The following DNAJB13 variants were observed in gnomAD, a reference collection of about 807,000 sequenced individuals.
DNAJB13 encodes the protein dnaJ homolog subfamily B member 13.
Under a neutral mutation model 35.6 loss-of-function variants are expected in DNAJB13, and 22 were observed. The ratio of observed to expected loss-of-function variants is 0.62; its 90% CI spans 0.44 to 0.88. The LOEUF (loss-of-function observed/expected upper bound fraction) is 0.88. DNAJB13 is among the 40% of genes least tolerant of loss of function. The pLI is 0.00. For synonymous variants in DNAJB13, 136 were observed against 144.2 expected (o/e 0.94, Z 0.41); for missense variants, 370 against 384.3 (o/e 0.96, Z 0.31).
rs375521124 is a variant in DNAJB13 at position 73,952,665 on chromosome 11, A to G, written c.68+1528A>G. Among the ~76,000 whole-genome samples, 113 of 152,308 alleles carry G rather than the reference A, an allele frequency of 7.4e-4. 1 individual carries two copies. The South Asian group carries it at 0.023, about 31-fold the overall frequency. ...AGCATCTCATTGACCAGAAGGACCC[A>G]TCCAGGGAAAGGTAATCAGGAGGAA... On this transcript the variant is annotated intron_variant, in intron 1 of 7. Transcript: ENST00000339764.
At chr11:73,957,446 C>T (rs1365394565) in intron 1 of DNAJB13, among the ~76,000 whole-genome samples, 4 of 152,210 alleles carry the variant, frequency 2.6e-5, no homozygotes, top group Non-Finnish European at 5.9e-5. Context: ...CCACAAACCA[C>T]CCAATCCGCT....
Position 73,964,942 on chromosome 11 carries a change from C to G in DNAJB13, c.399C>G (p.Val133=). 6.2e-7 allele frequency: 1 copy of G among 1,613,346 alleles called. No homozygotes were observed. The highest frequency in any genetic ancestry group is 1.7e-5 in the Admixed American group (1 of 59,860). ...LNFGGLQGRG[V]KKQDPQVERD... ...TTGGGGGGCTCCAGGGCCGAGGGGT[C>G]AAGAAGCAGGACCCCCAAGTCGAAC... Residue 133 remains valine (V), a synonymous_variant, in exon 4 of 8, where the codon GTC becomes GTG. Coordinates refer to ENST00000339764, the MANE Select transcript of DNAJB13 (RefSeq NM_153614.4).
intron 1 of DNAJB13, among the ~76,000 whole-genome samples, chr11:73,955,786 G>A (rs1249926394): frequency 6.6e-6 from 1 of 152,158 alleles, no homozygotes; most frequent in Non-Finnish European, 1.5e-5. Context: ...AGGTGACAGA[G>A]TGAGACTCTA....
Position 73,956,369 on chromosome 11 carries a change from G to T in DNAJB13, c.69-1948G>T, listed in dbSNP as rs1247577448. Among the ~76,000 whole-genome samples the T allele has an allele frequency of 2.7e-4, 41 of 152,198 alleles. 2 individuals are homozygous for T. Among genetic ancestry groups the T allele is most frequent in the Admixed American group, 2.7e-3 (41 of 15,270 alleles). ...GGGTGAGTCATGCAGGAGAGGTCAA[G>T]GGAGCAGCAAGAGAGAACAGTGAGT... On this transcript the variant is annotated intron_variant, in intron 1 of 7. Transcript: ENST00000339764.
In DNAJB13 at chr11:73,969,265, T is replaced by C. The variant is rs1169518067; in HGVS notation, c.740T>C (p.Val247Ala). 2.3e-6 allele frequency: 2 copies of C among 872,380 alleles called. No individual in the cohort carries two copies. The highest frequency in any genetic ancestry group is 1.7e-5 in the Admixed American group (1 of 59,108). 54.0% of individuals were successfully genotyped at this position (872,380 alleles called of 1,614,324 possible). ...PLGKALTCCT[V>A]EVRTLDDRLL... ...CCCTAGGCTCTCACCTGCTGCACTG[T>C]GGAGGTGAGGACCCTAGATGACCGT... Residue 247 changes from valine (V) to alanine (A), a missense_variant, in exon 7 of 8, where the codon GTG (valine) becomes GCG (alanine). Val to Ala is a moderately conservative substitution (Grantham distance 64). Coordinates refer to ENST00000339764, the MANE Select transcript of DNAJB13 (RefSeq NM_153614.4).
chr11:73,966,352 C>T (rs1199689142), intron 5 of DNAJB13, 101 bp downstream of exon 5: 1 of 1,121,160 alleles, frequency 8.9e-7, no homozygotes, highest in East Asian at 2.6e-5. Flanking sequence ...TTTCCTGCCC[C>T]TGTGAGCCTT....
Position 73,969,325 on chromosome 11 carries a change from G to A in DNAJB13, c.797+3G>A. On this transcript the variant is annotated splice_donor_region_variant and intron_variant, in intron 7 of 7. Transcript: ENST00000339764. ...ATCCCCATCAATGACATCATCCAGT[G>A]AGTCCATCTGCCTTGGGCCCCAGTA... 1.1e-6 allele frequency: 1 copy of A among 872,376 alleles called. No individual in the cohort carries two copies. Among genetic ancestry groups the A allele is most frequent in the South Asian group, 1.3e-5 (1 of 76,496 alleles). 54.0% of individuals were successfully genotyped at this position (872,376 alleles called of 1,614,324 possible).
rs558434325 is a variant in DNAJB13, at chr11:73,964,806, T to C, written c.335-72T>C. The C allele has an allele frequency of 0.11, 77,023 of 722,722 alleles. 6,727 individuals carry two copies. The highest frequency in any genetic ancestry group is 0.22 in the African/African-American group (9,083 of 40,690). 44.8% of individuals were successfully genotyped at this position (722,722 alleles called of 1,614,324 possible). A position where few individuals can be genotyped will look rare whatever the true frequency, so the allele number is the denominator to read the frequency against. On this transcript the variant is annotated intron_variant, in intron 3 of 7. Coordinates refer to ENST00000339764, the MANE Select transcript of DNAJB13 (RefSeq NM_153614.4). The stretch of plus-strand genomic sequence containing the variant: ...GTGTGTGTGTGTGTGTGTGTGTGTG[T>C]GTGTGTGCGCGCGCGCGCATGTCTG...
At chr11:73,954,843 C>T (rs150831392) in intron 1 of DNAJB13, among the ~76,000 whole-genome samples, 12,538 of 151,478 alleles carry the variant, frequency 0.083, 680 homozygotes, top group Admixed American at 0.11. Context: ...CCCAGCTACG[C>T]GGGAGGCTGA....
At chr11:73,959,077 T>A (rs1312346745) in intron 2 of DNAJB13, among the ~76,000 whole-genome samples, 1 of 152,164 alleles carries the variant, frequency 6.6e-6, no homozygotes, top group Admixed American at 6.5e-5. Context: ...ACTCTAGGAT[T>A]TCGAAGTTTT....
intron 1 of DNAJB13, among the ~76,000 whole-genome samples, chr11:73,953,805 C>G (rs1009121516): frequency 6.6e-6 from 1 of 151,794 alleles, no homozygotes; most frequent in Middle Eastern, 3.4e-3. Context: ...CAAGACCATC[C>G]TGGCTAACAC....
chr11:73,962,273 T>A (rs1950951181), intron 3 of DNAJB13, among the ~76,000 whole-genome samples: 1 of 152,130 alleles, frequency 6.6e-6, no homozygotes, highest in Non-Finnish European at 1.5e-5. Context: ...CCAGGTCTGA[T>A]TGATCTCAGC....
At chr11:73,953,335 G>T (rs149176964) in intron 1 of DNAJB13, among the ~76,000 whole-genome samples, 36 of 152,282 alleles carry the variant, frequency 2.4e-4, no homozygotes, top group African/African-American at 8.4e-4. Flanking sequence ...ACTGTAGCAG[G>T]ACGAGCCGCA....
intron 1 of DNAJB13, among the ~76,000 whole-genome samples, chr11:73,951,381 C>T (rs1311664879): frequency 6.6e-6 from 1 of 152,202 alleles, no homozygotes; most frequent in Non-Finnish European, 1.5e-5. Flanking sequence ...CCTATATCCT[C>T]TCCTGGGTGC....
At chr11:73,962,379 T>C (rs931220708) in intron 3 of DNAJB13, among the ~76,000 whole-genome samples, 2 of 125,036 alleles carry the variant, frequency 1.6e-5, no homozygotes, top group Admixed American at 2.2e-4. Flanking sequence ...GATGAGTGGG[T>C]GTATGAATGA....
At chr11:73,968,987 T>C (rs1022297011) in intron 6 of DNAJB13, among the ~76,000 whole-genome samples, 3 of 152,192 alleles carry the variant, frequency 2.0e-5, no homozygotes, top group African/African-American at 7.2e-5. Flanking sequence ...TTTAGGGGCC[T>C]CTCCTTGGCT....
At chr11:73,951,164 A>C in intron 1 of DNAJB13, 27 bp downstream of exon 1, 1 of 1,613,642 alleles carries the variant, frequency 6.2e-7, no homozygotes, top group East Asian at 2.2e-5. Flanking sequence ...GCCAGGCCTT[A>C]GGGGTGTGCT....
chr11:73,957,669 G>A (rs1417534368), intron 1 of DNAJB13, among the ~76,000 whole-genome samples: 1 of 152,126 alleles, frequency 6.6e-6, no homozygotes, highest in African/African-American at 2.4e-5. Context: ...GAACAGAAGT[G>A]GGGAAAAAAT....
At chr11:73,954,643 A>AT (rs750578093) in intron 1 of DNAJB13, among the ~76,000 whole-genome samples, 89 of 132,250 alleles carry the variant, frequency 6.7e-4, no homozygotes, top group African/African-American at 2.3e-3. Context: ...AAAAAAAAAT[A>AT]AAATAAATAA....
Sources: allele counts gnomAD v4.1 joint callset (sites outside exome capture counted in the v4.1 genomes callset), GRCh38; gene constraint gnomAD v4.1.1; transcripts MANE v1.5; gene names NCBI Gene and HGNC (gene_info 2026-07-23, HGNC 2026-07-21).